The following TIAM1 variants were observed in gnomAD, a reference collection of about 807,000 sequenced individuals.
The protein encoded by TIAM1 is TIAM Rac1 associated GEF 1, also known as rho guanine nucleotide exchange factor TIAM1.
TIAM1 carries 65 observed loss-of-function variants against 163.5 expected under a neutral mutation model. That is an observed-to-expected ratio of 0.40 (90% CI 0.33 to 0.49). The LOEUF (loss-of-function observed/expected upper bound fraction) is 0.49, where lower values mean the gene tolerates loss of function less well. TIAM1 is among the 20% of genes least tolerant of loss of function. TIAM1 has a pLI of 0.77. For missense variants in TIAM1, 1,789 were observed against 2,044.7 expected, an observed-to-expected ratio of 0.87 and a Z score of 2.41; for synonymous variants, 833 against 810.1, an observed-to-expected ratio of 1.03 and a Z score of -0.48.
At chr21:31,210,578 GAAAGAA>G (rs1569031033) in intron 10 of TIAM1, among the ~76,000 whole-genome samples, 14 of 118,114 alleles carry the variant, frequency 1.2e-4, no homozygotes, top group Admixed American at 2.8e-4. Context: ...AAGAAAGAAA[GAAAGAA>G]AGAAAGAAAG....
chr21:31,365,389 T>C (rs1049366308), intron 2 of TIAM1, among the ~76,000 whole-genome samples: 1 of 140,836 alleles, frequency 7.1e-6, no homozygotes, highest in African/African-American at 2.6e-5. Context: ...ATTTCTTTCT[T>C]TTTTTTTTTT....
At chr21:31,171,964 AT>A (rs1200740456) in intron 15 of TIAM1, among the ~76,000 whole-genome samples, 1 of 152,226 alleles carries the variant, frequency 6.6e-6, no homozygotes, top group Non-Finnish European at 1.5e-5. Context: ...ACAGAGTCAC[AT>A]GAGTGACTCC....
intron 2 of TIAM1, among the ~76,000 whole-genome samples, chr21:31,378,112 G>A (rs1185428223): frequency 6.9e-6 from 1 of 145,778 alleles, no homozygotes; most frequent in Non-Finnish European, 1.5e-5. Context: ...CTCCAGCCTG[G>A]GTAACAAGAG....
chr21:31,173,367 G>T (rs896405197), intron 15 of TIAM1, among the ~76,000 whole-genome samples: 6 of 152,170 alleles, frequency 3.9e-5, no homozygotes, highest in South Asian at 2.1e-4. Flanking sequence ...AAGATATTTA[G>T]CTGGAACTCA....
At chr21:31,201,558 T>C (rs1289608480) in intron 12 of TIAM1, among the ~76,000 whole-genome samples, 1 of 152,246 alleles carries the variant, frequency 6.6e-6, no homozygotes. Context: ...ACTCATTGGA[T>C]TGTGTCCTTA....
intron 2 of TIAM1, among the ~76,000 whole-genome samples, chr21:31,333,247 C>T (rs1038253352): frequency 2.0e-5 from 3 of 152,056 alleles, no homozygotes; most frequent in Non-Finnish European, 4.4e-5. Flanking sequence ...TGAGCCTAGT[C>T]CAGGCACTTT....
At chr21:31,196,094 A>T (rs2085836399) in intron 12 of TIAM1, among the ~76,000 whole-genome samples, 1 of 152,228 alleles carries the variant, frequency 6.6e-6, no homozygotes, top group African/African-American at 2.4e-5. Flanking sequence ...TCATCAAAAA[A>T]TGGGCAAAAG....
chr21:31,428,776 G>C lies in TIAM1; in HGVS notation c.-369+35207C>G, dbSNP rs2043889785. On this transcript the variant is annotated intron_variant, in intron 2 of 28. Coordinates refer to the TIAM1 transcript ENST00000286827. ...CACATGCCTGTAGTCTCAGCTACTG[G>C]GGAGGCTGAGGTGGGAGGCCTTCTT... 2.0e-5 allele frequency among the ~76,000 whole-genome samples: 3 copies of C among 150,962 alleles called. No individual in the cohort carries two copies. The South Asian group carries it at 6.3e-4, about 32-fold the overall frequency.
At chr21:31,167,636 T>C (rs951708678) in intron 15 of TIAM1, among the ~76,000 whole-genome samples, 1 of 152,126 alleles carries the variant, frequency 6.6e-6, no homozygotes, top group Non-Finnish European at 1.5e-5. Flanking sequence ...CCACAGGGTG[T>C]GAGAACCTGT....
intron 2 of TIAM1, among the ~76,000 whole-genome samples, chr21:31,399,071 T>G (rs1602185752): frequency 6.6e-6 from 1 of 152,168 alleles, no homozygotes; most frequent in Non-Finnish European, 1.5e-5. Context: ...TGCCAGAAAC[T>G]AAAAAGAAAC....
intron 2 of TIAM1, among the ~76,000 whole-genome samples, chr21:31,420,389 C>T (rs558468271): frequency 3.3e-5 from 5 of 152,188 alleles, no homozygotes; most frequent in Non-Finnish European, 7.3e-5. Context: ...ACAAGCTCCA[C>T]AGAAATTCCA....
chr21:31,394,731 C>G (rs1195239931), intron 2 of TIAM1, among the ~76,000 whole-genome samples: 1 of 57,350 alleles, frequency 1.7e-5, no homozygotes, highest in African/African-American at 8.1e-5. Flanking sequence ...CTCTCTCTCA[C>G]ACACACACAC....
intron 1 of TIAM1, among the ~76,000 whole-genome samples, chr21:31,558,367 C>G (rs1384458723): frequency 1.3e-5 from 2 of 152,086 alleles, no homozygotes; most frequent in African/African-American, 4.8e-5. Context: ...CGTGCGCCGG[C>G]CCCCGGGCTT....
intron 12 of TIAM1, among the ~76,000 whole-genome samples, chr21:31,196,314 T>C (rs2085851793): frequency 6.7e-6 from 1 of 148,760 alleles, no homozygotes; most frequent in Admixed American, 6.7e-5. Context: ...TTTTCTTTTT[T>C]CTTTTTTTTT....
At chr21:31,446,225 GC>G (rs5843519) in intron 2 of TIAM1, among the ~76,000 whole-genome samples, 124,389 of 151,714 alleles carry the variant, frequency 0.82, 51,336 homozygotes, top group East Asian at 0.92. Context: ...ACAGGTGTGA[GC>G]CACCTCGCCC....
intron 23 of TIAM1, among the ~76,000 whole-genome samples, 193 bp downstream of exon 23, chr21:31,135,740 A>G (rs540392246): frequency 1.3e-5 from 2 of 152,260 alleles, no homozygotes; most frequent in Admixed American, 6.5e-5. Context: ...TGGCTGAGTG[A>G]CCACATAGGG....
chr21:31,428,041 C>T (rs1363634857), intron 2 of TIAM1, among the ~76,000 whole-genome samples: 1 of 151,788 alleles, frequency 6.6e-6, no homozygotes, highest in Non-Finnish European at 1.5e-5. Context: ...GCGGGTGGAT[C>T]ACCTGAGGTA....
intron 1 of TIAM1, among the ~76,000 whole-genome samples, chr21:31,504,699 C>G (rs1237955821): frequency 6.6e-6 from 1 of 152,158 alleles, no homozygotes; most frequent in African/African-American, 2.4e-5. Flanking sequence ...AAATGCAGAA[C>G]TCAGTTTGGT....
chr21:31,272,456 T>C (rs895225245), intron 3 of TIAM1, among the ~76,000 whole-genome samples: 19 of 151,734 alleles, frequency 1.3e-4, no homozygotes, highest in African/African-American at 4.4e-4. Context: ...TTTTATAGAT[T>C]TATTAGGCTA....
Sources: gnomAD v4.1 joint callset for allele counts (sites outside exome capture counted in the v4.1 genomes callset) on GRCh38, gnomAD v4.1.1 for gene constraint, MANE v1.5 for transcripts, NCBI Gene and HGNC (gene_info 2026-07-23, HGNC 2026-07-21) for gene names.